The following MGAT5 variants were observed in gnomAD, a reference collection of about 807,000 sequenced individuals.
MGAT5 encodes the protein alpha-1,6-mannosylglycoprotein 6-beta-N-acetylglucosaminyltransferase.
Under a neutral mutation model 94.3 loss-of-function variants are expected in MGAT5, and 30 were observed. The ratio of observed to expected loss-of-function variants is 0.32; its 90% CI spans 0.24 to 0.43. MGAT5 has a LOEUF of 0.43. MGAT5 is among the 20% of genes least tolerant of loss of function. The probability of loss-of-function intolerance (pLI) is 1.00; values close to 1 mark genes in which losing one functional copy is unlikely to be tolerated. For synonymous variants in MGAT5, 310 were observed against 322.9 expected, an observed-to-expected ratio of 0.96 and a Z score of 0.43; for missense variants, 691 against 905.5, an observed-to-expected ratio of 0.76 and a Z score of 3.04.
intron 1 of MGAT5, among the ~76,000 whole-genome samples, chr2:134,143,554 G>A (rs1005484047): frequency 6.6e-6 from 1 of 152,206 alleles, no homozygotes; most frequent in Non-Finnish European, 1.5e-5. Flanking sequence ...TGGATGCCTG[G>A]GAAGCGTTGG....
intron 10 of MGAT5, among the ~76,000 whole-genome samples, chr2:134,387,333 T>TATATATATA (rs1491455775): frequency 6.1e-4 from 6 of 9,808 alleles, no homozygotes; most frequent in Non-Finnish European, 6.7e-4. Context: ...TATATATATA[T>TATATATATA]TTTTTTTTTT....
rs568058442 is a variant in MGAT5 at position 134,318,263 on chromosome 2, A to G, written c.484-387A>G. On this transcript the variant is annotated intron_variant, in intron 3 of 15. Coordinates refer to ENST00000281923, the MANE Select transcript of MGAT5 (RefSeq NM_002410.5). ...GTCCGTGCCCTCCTTCACGCACTGTATTTCAGGTACCATGCTGTGGGCTGT... is the reference window on the plus strand; with the variant it reads ...GTCCGTGCCCTCCTTCACGCACTGTGTTTCAGGTACCATGCTGTGGGCTGT... Among the ~76,000 whole-genome samples the G allele has an allele frequency of 2.0e-5, 3 of 152,202 alleles. No homozygotes were observed. In the East Asian group the frequency reaches 5.8e-4, roughly 29 times the overall value.
At chr2:134,257,283 A>G (rs1683026471) in intron 1 of MGAT5, among the ~76,000 whole-genome samples, 1 of 152,112 alleles carries the variant, frequency 6.6e-6, no homozygotes, top group South Asian at 2.1e-4. Flanking sequence ...CCCAGGCTGG[A>G]GTGCAGTGGT....
chr2:134,223,020 T>C (rs993637461), intron 1 of MGAT5, among the ~76,000 whole-genome samples: 2 of 152,142 alleles, frequency 1.3e-5, no homozygotes, highest in Non-Finnish European at 2.9e-5. Flanking sequence ...TATATTTATC[T>C]TCACAACTTA....
intron 1 of MGAT5, among the ~76,000 whole-genome samples, chr2:134,264,372 A>G (rs1683563315): frequency 6.6e-6 from 1 of 152,104 alleles, no homozygotes; most frequent in Non-Finnish European, 1.5e-5. Context: ...TTATCCATCC[A>G]CTTAACAAAT....
At chr2:134,322,048 C>T (rs1687356439) in intron 4 of MGAT5, among the ~76,000 whole-genome samples, 1 of 152,170 alleles carries the variant, frequency 6.6e-6, no homozygotes. Context: ...TCTGTTTCTG[C>T]TGCTTTCTCA....
chr2:134,355,319 T>C (rs1273645188), intron 9 of MGAT5, among the ~76,000 whole-genome samples: 3 of 150,878 alleles, frequency 2.0e-5, no homozygotes, highest in Non-Finnish European at 4.4e-5. Context: ...TTGTGTTTCC[T>C]TTTTTCCACT....
rs543869824 is a variant in MGAT5, at chr2:134,198,284, T to C, written c.-142-55978T>C. 2.4e-3 allele frequency among the ~76,000 whole-genome samples: 360 copies of C among 152,356 alleles called. 1 individual carries two copies. Among genetic ancestry groups the C allele is most frequent in the African/African-American group, 7.8e-3 (325 of 41,588 alleles). On this transcript the variant is annotated intron_variant, in intron 1 of 16. Transcript: ENST00000409645. ...GAACTTTGCCATCATAGGCAACCCA[T>C]GTGCACTGTGGAAGGTGCACTTTCC...
At position 134,186,024 on chromosome 2, in the gene MGAT5, T is replaced by C. The variant is rs114529477; in HGVS notation, c.-143+65733T>C. On this transcript the variant is annotated intron_variant, in intron 1 of 16. Transcript: ENST00000409645. The stretch of plus-strand genomic sequence containing the variant: ...ACCGTAGATTATGAATAGAGGCACC[T>C]GTGTGGGGCTTGGGGCTCGGGGCTC... Among the ~76,000 whole-genome samples the C allele has an allele frequency of 6.9e-3, 1,048 of 152,340 alleles. 11 individuals carry two copies. Among genetic ancestry groups the C allele is most frequent in the African/African-American group, 0.023 (965 of 41,566 alleles).
At chr2:134,349,372 A>G (rs949933459) in intron 8 of MGAT5, among the ~76,000 whole-genome samples, 3 of 152,192 alleles carry the variant, frequency 2.0e-5, no homozygotes, top group African/African-American at 7.2e-5. Context: ...TCCTAGAGAT[A>G]ACACGTGTCA....
intron 1 of MGAT5, among the ~76,000 whole-genome samples, chr2:134,176,861 G>A (rs1466675215): frequency 6.6e-6 from 1 of 152,116 alleles, no homozygotes; most frequent in African/African-American, 2.4e-5. Flanking sequence ...TTCTGCCTTT[G>A]GATGCCTGGA....
At chr2:134,412,731 A>C in intron 11 of MGAT5, 138 bp from the exon 12 acceptor site, 1 of 1,059,724 alleles carries the variant, frequency 9.4e-7, no homozygotes, top group Non-Finnish European at 1.4e-6. Context: ...CCCACCCCCC[A>C]GGGCCTGGGA....
At chr2:134,142,779 T>G (rs1254554191) in intron 1 of MGAT5, among the ~76,000 whole-genome samples, 1 of 152,194 alleles carries the variant, frequency 6.6e-6, no homozygotes, top group African/African-American at 2.4e-5. Flanking sequence ...TTTTAACTCT[T>G]TTTTTGTGGA....
At chr2:134,226,119 G>A (rs1486408305) in intron 1 of MGAT5, among the ~76,000 whole-genome samples, 4 of 152,184 alleles carry the variant, frequency 2.6e-5, no homozygotes, top group African/African-American at 9.6e-5. Flanking sequence ...TCCATTAAAT[G>A]GAATGACTAC....
At chr2:134,304,162 G>C (rs1686192356) in intron 2 of MGAT5, among the ~76,000 whole-genome samples, 1 of 152,182 alleles carries the variant, frequency 6.6e-6, no homozygotes, top group African/African-American at 2.4e-5. Context: ...CTGGGAAGCT[G>C]TCTGAATTAT....
intron 2 of MGAT5, among the ~76,000 whole-genome samples, chr2:134,302,794 G>A (rs916522972): frequency 2.7e-5 from 4 of 147,292 alleles, no homozygotes; most frequent in African/African-American, 5.0e-5. Context: ...TTCTTCTGAC[G>A]AGATGTCAGG....
At chr2:134,343,542 C>T (rs1688748399) in intron 7 of MGAT5, among the ~76,000 whole-genome samples, 1 of 152,138 alleles carries the variant, frequency 6.6e-6, no homozygotes, top group South Asian at 2.1e-4. Flanking sequence ...GTTAGAACCA[C>T]CTGGAGATCT....
chr2:134,410,122 A>T (rs1414120774), intron 11 of MGAT5, among the ~76,000 whole-genome samples: 1 of 152,308 alleles, frequency 6.6e-6, no homozygotes, highest in African/African-American at 2.4e-5. Flanking sequence ...TGCTAAGGAA[A>T]TCGGTTAAGT....
intron 4 of MGAT5, among the ~76,000 whole-genome samples, chr2:134,335,314 CT>C (rs1328173504): frequency 6.6e-6 from 1 of 152,102 alleles, no homozygotes; most frequent in East Asian, 1.9e-4. Flanking sequence ...TTTTCAATGC[CT>C]GTTAGCCATA....
Sources: allele counts gnomAD v4.1 joint callset (sites outside exome capture counted in the v4.1 genomes callset), GRCh38; gene constraint gnomAD v4.1.1; transcripts MANE v1.5; gene names NCBI Gene and HGNC (gene_info 2026-07-23, HGNC 2026-07-21).